Variants in SRP54 observed in about 807,000 individuals in gnomAD.
The protein encoded by SRP54 is signal recognition particle 54.
SRP54 carries 10 observed loss-of-function variants against 64.8 expected under a neutral mutation model. The ratio of observed to expected loss-of-function variants is 0.15; its 90% CI spans 0.10 to 0.26. The LOEUF is 0.26. Among genes scored for constraint, SRP54 ranks in the 10% least tolerant of loss-of-function variants. The pLI is 1.00. For synonymous variants in SRP54, 193 were observed against 185.6 expected (o/e 1.04, Z -0.32); for missense variants, 325 against 613.7 (o/e 0.53, Z 4.97).
chr14:35,021,621 A>G (rs1415359286), intron 13 of SRP54, among the ~76,000 whole-genome samples: 1 of 150,734 alleles, frequency 6.6e-6, no homozygotes, highest in Non-Finnish European at 1.5e-5. Flanking sequence ...GGACAGAGCA[A>G]CACTCTGTCT....
chr14:34,993,869 AT>A (rs987703320), intron 1 of SRP54, among the ~76,000 whole-genome samples: 1 of 151,650 alleles, frequency 6.6e-6, no homozygotes, highest in Non-Finnish European at 1.5e-5. Flanking sequence ...CTAATTTTGT[AT>A]TTTTAGTAGA....
At position 35,014,813 on chromosome 14, in the gene SRP54, T is replaced by C; in HGVS notation, c.956T>C (p.Ile319Thr). Residue 319 changes from isoleucine to threonine, a missense_variant, in exon 11 of 16, where the codon ATA becomes ACA. By Grantham distance (89) the Ile-to-Thr change is moderately conservative. Transcript: ENST00000216774. The stretch of plus-strand genomic sequence containing the variant: ...AAGTTGGATGACAATGAAGCACTTA[T>C]AGAGAAGTTGAAACATGGTATATGA... ...ELKLDDNEAL[I>T]EKLKHGQFTL... is the part of the protein sequence containing the mutation. The C allele has an allele frequency of 1.2e-6, 2 of 1,613,734 alleles. No homozygotes were observed. The highest frequency in any genetic ancestry group is 8.5e-7 in the Non-Finnish European group (1 of 1,179,816).
intron 7 of SRP54, among the ~76,000 whole-genome samples, chr14:35,010,530 G>A (rs375111420): frequency 3.9e-5 from 6 of 152,242 alleles, no homozygotes; most frequent in African/African-American, 1.4e-4. Flanking sequence ...ATTTTGGGAG[G>A]CCAAGGCGGG....
intron 2 of SRP54, among the ~76,000 whole-genome samples, chr14:34,999,014 G>GTTTTT (rs67731588): frequency 2.7e-4 from 10 of 36,670 alleles, no homozygotes; most frequent in Non-Finnish European, 3.8e-4. Flanking sequence ...TGTGTGTGTG[G>GTTTTT]TTTTTTTTTT....
rs570261366 is a variant in SRP54 at position 35,021,979 on chromosome 14, G to A, written c.1157-931G>A. Among the ~76,000 whole-genome samples, 18 of 152,250 alleles carry A rather than the reference G, an allele frequency of 1.2e-4. No homozygotes were observed. In the South Asian group the frequency reaches 2.7e-3, roughly 23 times the overall value. On this transcript the variant is annotated intron_variant, in intron 13 of 15. Coordinates refer to ENST00000216774, the MANE Select transcript of SRP54 (RefSeq NM_003136.4). Reference sequence around the variant, plus strand: ...ATTCTAAGAGTGATCAAACAACTGCGGGAATTAATTCACTATATGCTACTG... The same window carrying A: ...ATTCTAAGAGTGATCAAACAACTGCAGGAATTAATTCACTATATGCTACTG...
chr14:35,019,821 T>C (rs1426624579), intron 13 of SRP54, among the ~76,000 whole-genome samples: 2 of 152,226 alleles, frequency 1.3e-5, no homozygotes, highest in African/African-American at 4.8e-5. Context: ...ATACATATAC[T>C]GTAGTCTATT....
At chr14:35,002,443 CTTTT>C (rs754182261) in intron 4 of SRP54, among the ~76,000 whole-genome samples, 1 of 144,728 alleles carries the variant, frequency 6.9e-6, no homozygotes, top group African/African-American at 2.5e-5. Context: ...TGAATATTTT[CTTTT>C]TTTTTTTTTG....
In SRP54 at chr14:35,013,343, T is replaced by C; in HGVS notation, c.637-3T>C. ...AAGTATCTTTTCTATTTAAACTTTCTAGCAACCTGATAACATTGTTTATGT... is the reference window on the plus strand; with the variant it reads ...AAGTATCTTTTCTATTTAAACTTTCCAGCAACCTGATAACATTGTTTATGT... On this transcript the variant is annotated splice_polypyrimidine_tract_variant and splice_region_variant and intron_variant, in intron 8 of 15. Transcript: ENST00000216774. 1 of 1,611,814 alleles carries C rather than the reference T, an allele frequency of 6.2e-7. No individual in the cohort carries two copies. Among genetic ancestry groups the C allele is most frequent in the Non-Finnish European group, 8.5e-7 (1 of 1,179,332 alleles).
At chr14:34,989,888 C>G (rs1388270171) in intron 1 of SRP54, among the ~76,000 whole-genome samples, 1 of 152,062 alleles carries the variant, frequency 6.6e-6, no homozygotes, top group Non-Finnish European at 1.5e-5. Context: ...GGGTAACTAC[C>G]TTGGTAATGG....
intron 13 of SRP54, among the ~76,000 whole-genome samples, chr14:35,021,978 CG>C (rs1478261580): frequency 1.3e-5 from 2 of 152,082 alleles, no homozygotes; most frequent in Non-Finnish European, 2.9e-5. Context: ...CAAACAACTG[CG>C]GGAATTAATT....
rs150290957 is a variant in SRP54 at position 35,013,894 on chromosome 14, A to G, written c.878A>G (p.Lys293Arg). ...EPFKTQPFISKLLGMGDIEGL... is the reference protein window; with the variant it reads ...EPFKTQPFISRLLGMGDIEGL... ...TTCAAAACACAGCCTTTTATTAGCA[A>G]ACTTCTTGGTATGTACAGTGGTGGG... Residue 293 changes from lysine to arginine, a missense_variant, in exon 10 of 16, where the codon AAA becomes AGA. Physicochemically the swap from Lys to Arg is conservative, Grantham distance 26. Around this residue, in one of 3 missense-constraint regions of SRP54, gnomAD observed 146 missense variants for 337.4 expected, o/e 0.43. Transcript: ENST00000216774. 74 of 1,610,658 alleles carry G rather than the reference A, an allele frequency of 4.6e-5. No individual in the cohort carries two copies. The highest frequency in any genetic ancestry group is 1.6e-4 in the Middle Eastern group (1 of 6,076).
At chr14:34,998,097 C>T (rs1279211656) in intron 2 of SRP54, among the ~76,000 whole-genome samples, 1 of 151,662 alleles carries the variant, frequency 6.6e-6, no homozygotes, top group African/African-American at 2.4e-5. Context: ...TTTAGCAGAC[C>T]CGTTTAATGA....
At chr14:35,013,574 AT>A in intron 9 of SRP54, 80 bp downstream of exon 9, 3 of 1,454,616 alleles carry the variant, frequency 2.1e-6, no homozygotes, top group Non-Finnish European at 2.8e-6. Flanking sequence ...CATATTGATC[AT>A]TTAAAATATG....
intron 13 of SRP54, among the ~76,000 whole-genome samples, 189 bp from the exon 14 acceptor site, chr14:35,022,721 G>T (rs1472615971): frequency 6.6e-6 from 1 of 152,110 alleles, no homozygotes; most frequent in Non-Finnish European, 1.5e-5. Flanking sequence ...AATCTGGGTG[G>T]TAGTTTGACT....
intron 11 of SRP54, among the ~76,000 whole-genome samples, chr14:35,016,542 G>A (rs799459): frequency 0.75 from 114,040 of 152,100 alleles, 43,799 homozygotes; most frequent in Non-Finnish European, 0.84. Flanking sequence ...ACTGCTACTT[G>A]CACTTCAGAT....
chr14:34,983,398 C>A (rs904896992), intron 1 of SRP54, among the ~76,000 whole-genome samples, 183 bp downstream of exon 1: 3 of 152,190 alleles, frequency 2.0e-5, no homozygotes, highest in Admixed American at 2.0e-4. Flanking sequence ...TAAAGATGCG[C>A]TGTGCCCCTT....
At chr14:35,003,556 T>G (rs981053961) in intron 4 of SRP54, among the ~76,000 whole-genome samples, 2 of 115,910 alleles carry the variant, frequency 1.7e-5, no homozygotes, top group African/African-American at 5.9e-5. Flanking sequence ...TGTTTTTTGT[T>G]TTTTTGGTTT....
At chr14:35,014,606 T>C in intron 10 of SRP54, 138 bp from the exon 11 acceptor site, 1 of 644,604 alleles carries the variant, frequency 1.6e-6, no homozygotes, top group East Asian at 3.0e-5. Context: ...TTAGCTTTGG[T>C]TTTCTCATTT....
At chr14:35,027,364 C>T (rs1343594455) in intron 14 of SRP54, among the ~76,000 whole-genome samples, 1 of 152,174 alleles carries the variant, frequency 6.6e-6, no homozygotes, top group South Asian at 2.1e-4. Context: ...ATCTACCAGC[C>T]ATCCAGTCTC....
Sources: allele counts gnomAD v4.1 joint callset (sites outside exome capture counted in the v4.1 genomes callset), GRCh38; gene constraint gnomAD v4.1.1; regional missense constraint gnomAD v4.1.1; transcripts MANE v1.5; gene names NCBI Gene and HGNC (gene_info 2026-07-23, HGNC 2026-07-21).